The following DPH6 variants were observed in gnomAD, a reference collection of about 807,000 sequenced individuals.
DPH6 encodes diphthamine biosynthesis 6.
DPH6 carries 33 observed loss-of-function variants against 38.2 expected under a neutral mutation model. The observed-to-expected ratio is 0.86, with a 90% confidence interval of 0.65 to 1.15. DPH6 has a LOEUF of 1.15. Among genes scored for constraint, DPH6 ranks in the 50% most tolerant of loss-of-function variants. The pLI, the probability that DPH6 is intolerant of heterozygous loss-of-function variation, is 0.00. For synonymous variants in DPH6, 108 were observed against 103.0 expected (o/e 1.05, Z -0.30); for missense variants, 325 against 320.0 (o/e 1.02, Z -0.12).
chr15:35,353,732 C>T (rs143366789), intron 3 of DPH6, among the ~76,000 whole-genome samples: 1 of 152,110 alleles, frequency 6.6e-6, no homozygotes, highest in Non-Finnish European at 1.5e-5. Flanking sequence ...CAACTTTGTT[C>T]TTTTGGCTTA....
chr15:35,505,616 T>A (rs2054684181), intron 3 of DPH6, among the ~76,000 whole-genome samples: 1 of 152,106 alleles, frequency 6.6e-6, no homozygotes, highest in Admixed American at 6.6e-5. Context: ...GTCTTGCTTA[T>A]ACTCTAAGTT....
chr15:35,229,772 T>C (rs1170902894), intron 3 of DPH6, among the ~76,000 whole-genome samples: 2 of 152,242 alleles, frequency 1.3e-5, no homozygotes, highest in Non-Finnish European at 2.9e-5. Context: ...CTCGGTAAAC[T>C]GTGGTTCTTG....
chr15:35,461,167 C>G (rs2054062465), intron 3 of DPH6, among the ~76,000 whole-genome samples: 1 of 152,188 alleles, frequency 6.6e-6, no homozygotes, highest in Admixed American at 6.5e-5. Flanking sequence ...TCACTGCAAC[C>G]TCCGCCTGCC....
chr15:35,248,730 G>C (rs2051652360), intron 3 of DPH6, among the ~76,000 whole-genome samples: 1 of 152,160 alleles, frequency 6.6e-6, no homozygotes. Flanking sequence ...TTATGACGGA[G>C]AGGACAGGTA....
At chr15:35,413,326 T>C (rs1473325802) in intron 5 of DPH6, among the ~76,000 whole-genome samples, 6 of 151,670 alleles carry the variant, frequency 4.0e-5, no homozygotes, top group African/African-American at 7.3e-5. Flanking sequence ...ACATCTTTTA[T>C]GGCCTTAAAA....
intron 3 of DPH6, among the ~76,000 whole-genome samples, chr15:35,276,112 T>C (rs764165131): frequency 2.6e-5 from 4 of 152,208 alleles, no homozygotes; most frequent in Non-Finnish European, 5.9e-5. Context: ...CAGCATCTAT[T>C]ATTTTTCTAT....
At chr15:35,377,008 A>C (rs1169339231) in intron 7 of DPH6, among the ~76,000 whole-genome samples, 1 of 152,176 alleles carries the variant, frequency 6.6e-6, no homozygotes, top group Non-Finnish European at 1.5e-5. Context: ...ATGCACATAT[A>C]TATACACCAA....
intron 3 of DPH6, among the ~76,000 whole-genome samples, chr15:35,341,838 T>C (rs2052424174): frequency 3.3e-5 from 5 of 152,140 alleles, no homozygotes; most frequent in Admixed American, 1.3e-4. Flanking sequence ...ACCCAGTCAG[T>C]AGGAACAGGA....
intron 3 of DPH6, among the ~76,000 whole-genome samples, chr15:35,532,935 C>G (rs2055109725): frequency 6.6e-6 from 1 of 151,946 alleles, no homozygotes; most frequent in African/African-American, 2.4e-5. Context: ...AAAACCCCGT[C>G]TCTACTAAAA....
At chr15:35,436,282 T>C (rs56034763) in intron 5 of DPH6, among the ~76,000 whole-genome samples, 25,486 of 149,718 alleles carry the variant, frequency 0.17, 2,355 homozygotes, top group Non-Finnish European at 0.22. Context: ...TTGGCTAACA[T>C]GGTGAAACCC....
chr15:35,451,476 T>C (rs2053932391), intron 4 of DPH6, among the ~76,000 whole-genome samples: 1 of 152,200 alleles, frequency 6.6e-6, no homozygotes, highest in Non-Finnish European at 1.5e-5. Context: ...GCAAAAATAG[T>C]TCCTTTCAAA....
chr15:35,470,318 A>G (rs1481404953), intron 3 of DPH6, among the ~76,000 whole-genome samples: 3 of 152,188 alleles, frequency 2.0e-5, no homozygotes, highest in Non-Finnish European at 1.5e-5. Flanking sequence ...GAGGTTTTAA[A>G]GCGCAGAGTC....
At chr15:35,322,396 G>A (rs1306403758) in intron 3 of DPH6, among the ~76,000 whole-genome samples, 2 of 152,212 alleles carry the variant, frequency 1.3e-5, no homozygotes, top group South Asian at 2.1e-4. Context: ...CCCAAGGTTA[G>A]CTTGGCCTTC....
At chr15:35,171,707 C>T in the DPH6 span, among the ~76,000 whole-genome samples, 45 of 151,942 alleles carry the variant, frequency 3.0e-4, no homozygotes, top group Middle Eastern at 3.4e-3. Flanking sequence ...GTGCTGCAGA[C>T]GTTGGATTTT....
At chr15:35,293,888 A>G (rs192194521) in intron 3 of DPH6, among the ~76,000 whole-genome samples, 2 of 152,334 alleles carry the variant, frequency 1.3e-5, no homozygotes, top group Admixed American at 6.5e-5. Context: ...CTAATTCTGC[A>G]TCATTGTCTT....
At chr15:35,510,096 G>A (rs1170272471) in intron 3 of DPH6, among the ~76,000 whole-genome samples, 2 of 152,146 alleles carry the variant, frequency 1.3e-5, no homozygotes, top group Non-Finnish European at 2.9e-5. Flanking sequence ...TGTTCCTGTA[G>A]TACCAGCTAC....
the DPH6 span, among the ~76,000 whole-genome samples, chr15:35,206,631 C>G: frequency 6.6e-6 from 1 of 152,134 alleles, no homozygotes; most frequent in African/African-American, 2.4e-5. Context: ...GATAAGTAAG[C>G]ACAAAGCCTT....
intron 7 of DPH6, among the ~76,000 whole-genome samples, chr15:35,375,166 T>A (rs1339283743): frequency 6.6e-6 from 1 of 151,992 alleles, no homozygotes; most frequent in Admixed American, 6.6e-5. Flanking sequence ...TTTTAGGTCC[T>A]CCCTTCTCAT....
chr15:35,367,148 G>A (rs2052668232), downstream of DPH6, among the ~76,000 whole-genome samples: 1 of 151,570 alleles, frequency 6.6e-6, no homozygotes, highest in Non-Finnish European at 1.5e-5. Flanking sequence ...ATTGTCCCAG[G>A]AAATTATTTC....
Sources: allele counts gnomAD v4.1 joint callset (sites outside exome capture counted in the v4.1 genomes callset), GRCh38; gene constraint gnomAD v4.1.1; transcripts MANE v1.5; gene names NCBI Gene and HGNC (gene_info 2026-07-23, HGNC 2026-07-21).